Variants in KLHL36 observed in about 807,000 individuals in gnomAD.
KLHL36 encodes kelch-like protein 36.
In KLHL36, 35 loss-of-function variants were observed where a neutral mutation model predicts 53.3. That is an observed-to-expected ratio of 0.66 (90% CI 0.50 to 0.87). The LOEUF is 0.87. Ranked by LOEUF, KLHL36 falls within the 40% of genes least tolerant of loss-of-function variation. KLHL36 has a pLI of 0.00. For missense variants in KLHL36, 864 were observed against 897.6 expected, an observed-to-expected ratio of 0.96 and a Z score of 0.48; for synonymous variants, 472 against 398.9, an observed-to-expected ratio of 1.18 and a Z score of -2.18.
intron 2 of KLHL36, among the ~76,000 whole-genome samples, chr16:84,655,721 A>AT (rs71151238): frequency 1.3e-5 from 2 of 150,572 alleles, no homozygotes; most frequent in Admixed American, 1.3e-4. Flanking sequence ...AAAAAAAAAA[A>AT]GTCGAACCAC....
intron 2 of KLHL36, among the ~76,000 whole-genome samples, chr16:84,652,840 T>C (rs148456232): frequency 1.7e-4 from 26 of 152,272 alleles, no homozygotes; most frequent in African/African-American, 6.3e-4. Context: ...CTGCATGTAG[T>C]TGGTAGTGGT....
intron 2 of KLHL36, among the ~76,000 whole-genome samples, chr16:84,653,622 C>T (rs948996614): frequency 6.6e-6 from 1 of 152,040 alleles, no homozygotes; most frequent in Non-Finnish European, 1.5e-5. Flanking sequence ...AGTGGTGGCA[C>T]CTGAGGTCAG....
intron 2 of KLHL36, among the ~76,000 whole-genome samples, chr16:84,651,285 G>A (rs2150718198): frequency 6.6e-6 from 1 of 152,246 alleles, no homozygotes; most frequent in South Asian, 2.1e-4. Flanking sequence ...CCAAGGACAG[G>A]TCCATTGAGA....
intron 2 of KLHL36, among the ~76,000 whole-genome samples, chr16:84,653,925 A>C (rs1907051903): frequency 6.6e-6 from 1 of 151,822 alleles, no homozygotes; most frequent in South Asian, 2.1e-4. Context: ...CCAGAAGCAG[A>C]TTGCAGCTGA....
At position 84,665,683 on chromosome 16, in the gene KLHL36, C is replaced by A. The variant is rs1490641486; in HGVS notation, c.*3550C>A. The stretch of plus-strand genomic sequence containing the variant: ...GAAACTCACCCTAAGGGGTGTTCAC[C>A]TTTGAGGTGGGCATCCAGATGCTGA... On this transcript the variant is annotated 3_prime_UTR_variant, in exon 5 of 5. Coordinates refer to ENST00000564996, the MANE Select transcript of KLHL36 (RefSeq NM_024731.4). The A allele has an allele frequency of 6.6e-6, 1 of 152,232 alleles. No homozygotes were observed. Among genetic ancestry groups the A allele is most frequent in the Non-Finnish European group, 1.5e-5 (1 of 68,078 alleles). 9.4% of individuals were successfully genotyped at this position (152,232 alleles called of 1,614,324 possible).
Position 84,662,688 on chromosome 16 carries a change from T to G in KLHL36, c.*555T>G, listed in dbSNP as rs1313167386. 1 of 152,926 alleles carries G rather than the reference T, an allele frequency of 6.5e-6. No individual in the cohort carries two copies. The highest frequency in any genetic ancestry group is 2.4e-5 in the African/African-American group (1 of 41,480). The allele number at this position is 152,926 out of a possible 1,614,324, so 9.5% of individuals were successfully genotyped here. On this transcript the variant is annotated 3_prime_UTR_variant, in exon 5 of 5. Transcript: ENST00000564996. ...AATCACTGGCAAGGTCCAGTGTGTTTGTTTTATAAATGAGTGCACAGAGAC... is the reference window on the plus strand; with the variant it reads ...AATCACTGGCAAGGTCCAGTGTGTTGGTTTTATAAATGAGTGCACAGAGAC...
At position 84,667,453 on chromosome 16, in the gene KLHL36, TAA is replaced by T. The variant is rs1367515007; in HGVS notation, c.*5321_*5322del. On this transcript the variant is annotated 3_prime_UTR_variant, in exon 5 of 5. Transcript: ENST00000564996. Reference sequence around the variant, plus strand: ...ATGACATTTCGAAGTTTCTGTGTCTTAACTCTTTTTAATTAATTTTCTGCACG... The same window carrying T: ...ATGACATTTCGAAGTTTCTGTGTCTTCTCTTTTTAATTAATTTTCTGCACG... The T allele has an allele frequency of 1.3e-5, 2 of 152,282 alleles. No individual in the cohort carries two copies. The highest frequency in any genetic ancestry group is 2.9e-5 in the Non-Finnish European group (2 of 68,054). 9.4% of individuals were successfully genotyped at this position (152,282 alleles called of 1,614,324 possible).
In KLHL36 at chr16:84,656,928, C is replaced by T. The variant is rs1036518368; in HGVS notation, c.121C>T (p.Leu41Phe). The change falls in exon 3 of 5, where the codon CTC becomes TTC. Residue 41 changes from leucine (L) to phenylalanine (F), a missense_variant. Coordinates refer to ENST00000564996, the MANE Select transcript of KLHL36 (RefSeq NM_024731.4). Reference protein sequence around the residue: ...TVLQRLNEQRLRGLFCDVVLV... With the variant: ...TVLQRLNEQRFRGLFCDVVLV... The stretch of plus-strand genomic sequence containing the variant: ...GCTGCAGCGGCTGAACGAGCAGCGT[C>T]TCCGCGGGCTCTTCTGCGACGTCGT... The T allele has an allele frequency of 1.2e-6, 2 of 1,613,276 alleles. No individual in the cohort carries two copies. The highest frequency in any genetic ancestry group is 1.7e-6 in the Non-Finnish European group (2 of 1,179,970).
Position 84,657,769 on chromosome 16 carries a change from A to G in KLHL36, c.962A>G (p.Lys321Arg). 2 of 1,611,226 alleles carry G rather than the reference A, an allele frequency of 1.2e-6. No homozygotes were observed. The highest frequency in any genetic ancestry group is 1.1e-5 in the South Asian group (1 of 90,930). The change falls in exon 3 of 5, where the codon AAG becomes AGG. Residue 321 changes from lysine to arginine, a missense_variant. Transcript: ENST00000564996. ...LSDDTCYLDA[K>R]SEQWVKETPL... ...GACGACACCTGCTACCTGGACGCCA[A>G]GAGCGAGCAGTGGGTCAAAGAGACG...
rs1422664705 is a variant in KLHL36 at position 84,667,365 on chromosome 16, G to T, written c.*5232G>T. Reference sequence around the variant, plus strand: ...ATTCATTGGGTATGTTCTGGCTACTGATGTTACTGAAATCTGCAATCGTGT... The same window carrying T: ...ATTCATTGGGTATGTTCTGGCTACTTATGTTACTGAAATCTGCAATCGTGT... On this transcript the variant is annotated 3_prime_UTR_variant, in exon 5 of 5. Coordinates refer to ENST00000564996, the MANE Select transcript of KLHL36 (RefSeq NM_024731.4). The T allele has an allele frequency of 1.3e-5, 2 of 152,216 alleles. No individual in the cohort carries two copies. Among genetic ancestry groups the T allele is most frequent in the Non-Finnish European group, 2.9e-5 (2 of 68,034 alleles). The allele number at this position is 152,216 out of a possible 1,614,324, so 9.4% of individuals were successfully genotyped here. A position where few individuals can be genotyped will look rare whatever the true frequency, so the allele number is the denominator to read the frequency against.
At chr16:84,652,769 G>A (rs1204209816) in intron 2 of KLHL36, among the ~76,000 whole-genome samples, 2 of 152,186 alleles carry the variant, frequency 1.3e-5, no homozygotes, top group African/African-American at 4.8e-5. Flanking sequence ...ATCCGAGGTC[G>A]GGTACTCTTG....
In KLHL36 at chr16:84,657,463, C is replaced by G. The variant is rs758820508; in HGVS notation, c.656C>G (p.Thr219Arg). The G allele has an allele frequency of 1.9e-6, 3 of 1,606,554 alleles. No homozygotes were observed. The highest frequency in any genetic ancestry group is 1.3e-5 in the African/African-American group (1 of 75,042). Reference protein sequence around the residue: ...DLLQAALQWLTQQPEREAHAR... With the variant: ...DLLQAALQWLRQQPEREAHAR... The stretch of plus-strand genomic sequence containing the variant: ...CTGCAGGCCGCCCTGCAGTGGCTGA[C>G]GCAGCAGCCCGAGCGCGAGGCCCAC... Residue 219 changes from threonine to arginine, a missense_variant, in exon 3 of 5, where the codon ACG (threonine) becomes AGG (arginine). Thr to Arg is a moderately conservative substitution (Grantham distance 71, BLOSUM62 -1). Coordinates refer to ENST00000564996, the MANE Select transcript of KLHL36 (RefSeq NM_024731.4).
chr16:84,661,199 G>A lies in KLHL36; in HGVS notation c.1296-379G>A, dbSNP rs1465215408. Among the ~76,000 whole-genome samples the A allele has an allele frequency of 6.6e-6, 1 of 152,140 alleles. No homozygotes were observed. Among genetic ancestry groups the A allele is most frequent in the African/African-American group, 2.4e-5 (1 of 41,420 alleles). ...CACAGTTAGAATTGGACTGTATGTC[G>A]TATTTCCTCTTTGATGTGTGATTCA... On this transcript the variant is annotated intron_variant, in intron 4 of 4. Coordinates refer to ENST00000564996, the MANE Select transcript of KLHL36 (RefSeq NM_024731.4). The surrounding 1 kb of genome is among the most constrained non-coding windows in gnomAD (Gnocchi z 7.9).
rs77123820 is a variant in KLHL36, at chr16:84,659,933, G to C, written c.1295+16G>C. The C allele has an allele frequency of 3.3e-4, 523 of 1,597,424 alleles. 2 individuals carry two copies. In the African/African-American group the frequency reaches 6.3e-3, roughly 19 times the overall value. ...GCTTGCCAAGGTGATCTGGGGCTTGGTGGAAGGTTCTCCAAATGGGATGTT... is the reference window on the plus strand; with the variant it reads ...GCTTGCCAAGGTGATCTGGGGCTTGCTGGAAGGTTCTCCAAATGGGATGTT... On this transcript the variant is annotated intron_variant, in intron 4 of 4. Transcript: ENST00000564996.
rs1907753695 is a variant in KLHL36 at position 84,664,851 on chromosome 16, C to A, written c.*2718C>A. 6.6e-6 allele frequency: 1 copy of A among 152,206 alleles called. No homozygotes were observed. Among genetic ancestry groups the A allele is most frequent in the South Asian group, 2.1e-4 (1 of 4,826 alleles). The allele number at this position is 152,206 out of a possible 1,614,324, so 9.4% of individuals were successfully genotyped here. ...CATGCCTGGGCAACATGGCAAAACC[C>A]CATCTCTACAAAAAAATTACAAAAG... On this transcript the variant is annotated 3_prime_UTR_variant, in exon 5 of 5. Transcript: ENST00000564996.
chr16:84,660,447 C>T (rs1035566246), intron 4 of KLHL36, among the ~76,000 whole-genome samples: 6 of 152,162 alleles, frequency 3.9e-5, no homozygotes, highest in African/African-American at 7.2e-5. Flanking sequence ...GTCTCCCCTG[C>T]GTTCCGATGT....
chr16:84,661,564 C>T lies in KLHL36; in HGVS notation c.1296-14C>T, dbSNP rs374226317. On this transcript the variant is annotated splice_polypyrimidine_tract_variant and intron_variant, in intron 4 of 4. Coordinates refer to ENST00000564996, the MANE Select transcript of KLHL36 (RefSeq NM_024731.4). The surrounding 1 kb of genome is among the most constrained non-coding windows in gnomAD (Gnocchi z 7.9). ...CCTGAGCTCTCCCTCTGTCTCTGCC[C>T]GTCGACCCTGCAGGTTCACGTACGG... 9 of 1,561,642 alleles carry T rather than the reference C, an allele frequency of 5.8e-6. No homozygotes were observed. The highest frequency in any genetic ancestry group is 7.8e-6 in the Non-Finnish European group (9 of 1,149,656).
rs750480241 is a variant in KLHL36 at position 84,661,568 on chromosome 16, G to C, written c.1296-10G>C. Reference sequence around the variant, plus strand: ...AGCTCTCCCTCTGTCTCTGCCCGTCGACCCTGCAGGTTCACGTACGGCCAC... The same window carrying C: ...AGCTCTCCCTCTGTCTCTGCCCGTCCACCCTGCAGGTTCACGTACGGCCAC... On this transcript the variant is annotated splice_polypyrimidine_tract_variant and intron_variant, in intron 4 of 4. Transcript: ENST00000564996. The surrounding 1 kb of genome is among the most constrained non-coding windows in gnomAD (Gnocchi z 7.9). The C allele has an allele frequency of 6.4e-7, 1 of 1,565,972 alleles. No individual in the cohort carries two copies. The highest frequency in any genetic ancestry group is 1.2e-5 in the South Asian group (1 of 85,106).
chr16:84,650,714 G>A lies in KLHL36; in HGVS notation c.-16-138G>A, dbSNP rs112675558. 1,375 of 620,512 alleles carry A rather than the reference G, an allele frequency of 2.2e-3. 13 individuals carry two copies. Among genetic ancestry groups the A allele is most frequent in the African/African-American group, 0.022 (1,139 of 52,510 alleles). 38.4% of individuals were successfully genotyped at this position (620,512 alleles called of 1,614,324 possible). ...TCAACTCGGTGTAAAAGAGTTCTTT[G>A]TAGTGCACGGTCCTCCCTCCCTCCT... On this transcript the variant is annotated intron_variant, in intron 1 of 4. Transcript: ENST00000564996.
Sources: allele counts gnomAD v4.1 joint callset (sites outside exome capture counted in the v4.1 genomes callset), GRCh38; gene constraint gnomAD v4.1.1; non-coding constraint Gnocchi (gnomAD v3.1); transcripts MANE v1.5; gene names NCBI Gene and HGNC (gene_info 2026-07-23, HGNC 2026-07-21).